SHC4: variants seen among roughly 807,000 people sequenced by gnomAD.
SHC4 encodes the protein SHC-transforming protein 4.
Under a neutral mutation model 69.4 loss-of-function variants are expected in SHC4, and 41 were observed. The observed-to-expected ratio is 0.59, with a 90% CI of 0.46 to 0.77. SHC4 has a LOEUF of 0.77. SHC4 is among the 30% of genes least tolerant of loss of function. The pLI, the probability that SHC4 is intolerant of heterozygous loss-of-function variation, is 0.00. For missense variants in SHC4, 777 were observed against 783.8 expected (o/e 0.99, Z 0.10); for synonymous variants, 318 against 299.3 (o/e 1.06, Z -0.64).
intron 2 of SHC4, among the ~76,000 whole-genome samples, chr15:48,916,083 A>G (rs1291988655): frequency 2.0e-5 from 3 of 152,200 alleles, no homozygotes; most frequent in Admixed American, 6.5e-5. Context: ...CTGTTCTGCA[A>G]TCCTCAGAAA....
At chr15:48,870,183 A>G (rs1486010194) in intron 5 of SHC4, among the ~76,000 whole-genome samples, 1 of 152,232 alleles carries the variant, frequency 6.6e-6, no homozygotes, top group African/African-American at 2.4e-5. Context: ...TCCTTCATGG[A>G]TGACTGAGCT....
chr15:48,885,579 C>T (rs1475607357), intron 3 of SHC4, among the ~76,000 whole-genome samples: 1 of 152,174 alleles, frequency 6.6e-6, no homozygotes, highest in African/African-American at 2.4e-5. Flanking sequence ...AGTAATTCCT[C>T]AGCATATGAA....
rs386382928 is a variant in SHC4 at position 48,919,295 on chromosome 15, A to ATTT, written c.656+5581_656+5583dup. On this transcript the variant is annotated intron_variant, in intron 2 of 11. Transcript: ENST00000332408. The stretch of plus-strand genomic sequence containing the variant: ...CTCACACTCTTAAAAATTTATTTTA[A>ATTT]TTTTTTTTTTTTTTTTTTTTGTAGA... Among the ~76,000 whole-genome samples, 588 of 71,224 alleles carry ATTT rather than the reference A, an allele frequency of 8.3e-3. 72 individuals are homozygous for ATTT. Among genetic ancestry groups the ATTT allele is most frequent in the South Asian group, 0.018 (27 of 1,510 alleles). 46.7% of individuals were successfully genotyped at this position (71,224 alleles called of 152,430 possible).
At chr15:48,847,717 A>C (rs1555432280) in intron 9 of SHC4, among the ~76,000 whole-genome samples, 3 of 152,172 alleles carry the variant, frequency 2.0e-5, no homozygotes. Context: ...CATATGCCCA[A>C]GTAGGCCAGG....
At chr15:48,952,082 T>C (rs1901374191) in intron 1 of SHC4, among the ~76,000 whole-genome samples, 2 of 152,066 alleles carry the variant, frequency 1.3e-5, no homozygotes, top group South Asian at 4.1e-4. Flanking sequence ...GAGTTCTGAG[T>C]CCAGGGTTAA....
chr15:48,853,829 A>C (rs1899261289), intron 8 of SHC4, among the ~76,000 whole-genome samples: 1 of 152,186 alleles, frequency 6.6e-6, no homozygotes, highest in Non-Finnish European at 1.5e-5. Flanking sequence ...ACCATATACA[A>C]GATAGATTAA....
chr15:48,858,706 A>G (rs1899379973), intron 6 of SHC4, among the ~76,000 whole-genome samples: 1 of 152,220 alleles, frequency 6.6e-6, no homozygotes, highest in South Asian at 2.1e-4. Context: ...AATTGATGGA[A>G]GTTTCCTAAT....
intron 5 of SHC4, among the ~76,000 whole-genome samples, chr15:48,871,687 G>A (rs1312410989): frequency 6.6e-6 from 1 of 152,320 alleles, no homozygotes; most frequent in Admixed American, 6.5e-5. Flanking sequence ...GATATATCAA[G>A]TCCAGTTGAT....
intron 9 of SHC4, among the ~76,000 whole-genome samples, chr15:48,848,297 A>G (rs549015774): frequency 6.6e-6 from 1 of 152,248 alleles, no homozygotes; most frequent in Non-Finnish European, 1.5e-5. Context: ...TATGGAAACA[A>G]TGTTGTAATT....
At chr15:48,946,770 A>G (rs1901285341) in intron 1 of SHC4, among the ~76,000 whole-genome samples, 1 of 152,246 alleles carries the variant, frequency 6.6e-6, no homozygotes, top group Non-Finnish European at 1.5e-5. Context: ...TTTATTTCAC[A>G]GAACTTTGCA....
At chr15:48,843,727 T>A in intron 9 of SHC4, 139 bp from the exon 10 acceptor site, 1 of 774,362 alleles carries the variant, frequency 1.3e-6, no homozygotes, top group Non-Finnish European at 1.9e-6. Context: ...AACTTTTAGG[T>A]TTGACTTGGA....
chr15:48,856,232 T>G, intron 7 of SHC4, 108 bp from the exon 8 acceptor site: 1 of 1,063,478 alleles, frequency 9.4e-7, no homozygotes, highest in South Asian at 1.6e-5. Context: ...TTTGCATTCA[T>G]GTTTTCAGTT....
Position 48,890,802 on chromosome 15 carries a change from T to C in SHC4, c.666A>G (p.Ile222Met). 1.2e-6 allele frequency: 2 copies of C among 1,614,230 alleles called. No individual in the cohort carries two copies. The highest frequency in any genetic ancestry group is 1.7e-6 in the Non-Finnish European group (2 of 1,180,040). The change falls in exon 3 of 12, where the codon ATA becomes ATG. Residue 222 changes from isoleucine (I) to methionine (M), a missense_variant. Coordinates refer to ENST00000332408, the MANE Select transcript of SHC4 (RefSeq NM_203349.4). ...CGGGGACAGCTTCACACAGGCGACTTATTGCTTCCCTAAAGAACAGAAACC... is the reference window on the plus strand; with the variant it reads ...CGGGGACAGCTTCACACAGGCGACTCATTGCTTCCCTAAAGAACAGAAACC... ...GMRTQVTREA[I>M]SRLCEAVPGA...
chr15:48,913,847 C>T (rs767659567), intron 2 of SHC4, among the ~76,000 whole-genome samples: 8 of 152,184 alleles, frequency 5.3e-5, no homozygotes, highest in Non-Finnish European at 1.0e-4. Context: ...AAGTTGGAAA[C>T]TTCTCCCGCA....
intron 1 of SHC4, among the ~76,000 whole-genome samples, chr15:48,959,813 G>A (rs1295666760): frequency 6.6e-6 from 1 of 152,110 alleles, no homozygotes; most frequent in Non-Finnish European, 1.5e-5. Flanking sequence ...GAATTCTGAG[G>A]AACAGAACAA....
intron 2 of SHC4, among the ~76,000 whole-genome samples, chr15:48,904,170 G>A (rs1224478035): frequency 2.6e-5 from 4 of 152,084 alleles, no homozygotes; most frequent in African/African-American, 9.7e-5. Context: ...CCCAAGATTT[G>A]TTCCTTAAAA....
At chr15:48,954,976 C>T (rs62010901) in intron 1 of SHC4, among the ~76,000 whole-genome samples, 53 of 152,270 alleles carry the variant, frequency 3.5e-4, no homozygotes, top group South Asian at 2.1e-3. Flanking sequence ...ACTCTTCACC[C>T]GCAATCTCTT....
rs1379858471 is a variant in SHC4 at position 48,834,835 on chromosome 15, T to G, written c.1671A>C (p.Gln557His). Residue 557 changes from glutamine to histidine, a missense_variant, in exon 11 of 12, where the codon CAA becomes CAC. Gln to His is a conservative substitution (Grantham distance 24, BLOSUM62 0). Coordinates refer to ENST00000332408, the MANE Select transcript of SHC4 (RefSeq NM_203349.4). ...CTCCCTGTAGTCCACTCAGCACATA[T>G]TGGCCAGGGGATGTTGCACTCTCTC... is the stretch of plus-strand genomic sequence containing the variant. ...LVRESATSPG[Q>H]YVLSGLQGGQ... The G allele has an allele frequency of 4.3e-6, 7 of 1,614,022 alleles. No homozygotes were observed. The highest frequency in any genetic ancestry group is 5.9e-6 in the Non-Finnish European group (7 of 1,180,014).
At chr15:48,918,043 CT>C (rs1436653308) in intron 2 of SHC4, among the ~76,000 whole-genome samples, 1 of 152,196 alleles carries the variant, frequency 6.6e-6, no homozygotes, top group Non-Finnish European at 1.5e-5. Flanking sequence ...GCGGTAATTA[CT>C]TACACCAGTT....
Sources: gnomAD v4.1 joint callset for allele counts (sites outside exome capture counted in the v4.1 genomes callset) on GRCh38, gnomAD v4.1.1 for gene constraint, MANE v1.5 for transcripts, NCBI Gene and HGNC (gene_info 2026-07-23, HGNC 2026-07-21) for gene names.